CHST8: variants seen among roughly 807,000 people sequenced by gnomAD.
CHST8 encodes the protein GALNAC-4-ST1.
Under a neutral mutation model 15.0 loss-of-function variants are expected in CHST8, and 10 were observed. That is an observed-to-expected ratio of 0.67 (90% CI 0.41 to 1.13). CHST8 has a LOEUF of 1.13. Among genes scored for constraint, CHST8 ranks in the 50% most tolerant of loss-of-function variants. The probability of loss-of-function intolerance (pLI) is 0.00; values close to 1 mark genes in which losing one functional copy is unlikely to be tolerated. For synonymous variants in CHST8, 259 were observed against 256.6 expected (o/e 1.01, Z -0.09); for missense variants, 634 against 608.2 (o/e 1.04, Z -0.45).
At chr19:33,728,405 G>A (rs1244001342) in intron 3 of CHST8, among the ~76,000 whole-genome samples, 1 of 152,192 alleles carries the variant, frequency 6.6e-6, no homozygotes, top group Non-Finnish European at 1.5e-5. Flanking sequence ...GCTTGACCTA[G>A]GACTACATGT....
chr19:33,748,754 G>A lies in CHST8; in HGVS notation c.131-22659G>A, dbSNP rs1042678968. On this transcript the variant is annotated intron_variant, in intron 3 of 4. Coordinates refer to ENST00000650847, the MANE Select transcript of CHST8 (RefSeq NM_001127895.2). ...AACTGAGGCTGCAGGCAGGTAAATTGCTGCCGCTCCTGGGCCCTTAGGAGG... is the reference window on the plus strand; with the variant it reads ...AACTGAGGCTGCAGGCAGGTAAATTACTGCCGCTCCTGGGCCCTTAGGAGG... Among the ~76,000 whole-genome samples, 9 of 152,136 alleles carry A rather than the reference G, an allele frequency of 5.9e-5. 1 individual carries two copies. The highest frequency in any genetic ancestry group is 1.0e-4 in the Non-Finnish European group (7 of 68,024).
At chr19:33,661,054 G>C (rs1600243852) in intron 1 of CHST8, among the ~76,000 whole-genome samples, 1 of 152,184 alleles carries the variant, frequency 6.6e-6, no homozygotes, top group African/African-American at 2.4e-5. Flanking sequence ...TTGTCTGCGA[G>C]GCACGGGGAC....
intron 3 of CHST8, among the ~76,000 whole-genome samples, chr19:33,707,001 G>T (rs1318450666): frequency 6.6e-6 from 1 of 152,188 alleles, no homozygotes; most frequent in East Asian, 1.9e-4. Flanking sequence ...CTCCAATGGG[G>T]CCTCACAGTG....
chr19:33,765,548 T>TCA (rs1974818743), intron 3 of CHST8, among the ~76,000 whole-genome samples: 1 of 126,652 alleles, frequency 7.9e-6, no homozygotes, highest in African/African-American at 3.1e-5. Context: ...TGTGTGTGTG[T>TCA]GTGTGTCAGA....
At chr19:33,707,031 T>A (rs989010900) in intron 3 of CHST8, among the ~76,000 whole-genome samples, 1 of 152,218 alleles carries the variant, frequency 6.6e-6, no homozygotes, top group East Asian at 1.9e-4. Context: ...ATGGGGACTT[T>A]CTGGGGTCCA....
chr19:33,725,781 CCTCATCTTCTATATTCT>C (rs1422203959), intron 3 of CHST8, among the ~76,000 whole-genome samples: 1 of 152,172 alleles, frequency 6.6e-6, no homozygotes, highest in Non-Finnish European at 1.5e-5. Context: ...TTATCTCTAG[CCTCATCTTCTATATTCT>C]CTCATCTGGT....
intron 1 of CHST8, among the ~76,000 whole-genome samples, chr19:33,650,047 G>C (rs1206065189): frequency 1.3e-5 from 2 of 152,104 alleles, no homozygotes. Flanking sequence ...TTATAACTTG[G>C]TGTCTTACTG....
chr19:33,703,543 C>T (rs1403500445), intron 3 of CHST8, among the ~76,000 whole-genome samples: 2 of 152,206 alleles, frequency 1.3e-5, no homozygotes, highest in Non-Finnish European at 2.9e-5. Context: ...TCGGTAGGGG[C>T]GGGCGCGGGC....
intron 3 of CHST8, among the ~76,000 whole-genome samples, chr19:33,759,848 A>G (rs986347933): frequency 7.9e-5 from 12 of 152,152 alleles, no homozygotes; most frequent in African/African-American, 2.9e-4. Flanking sequence ...CTGGCCCCCA[A>G]GGGCCCAGCC....
chr19:33,725,643 C>T (rs1241783394), intron 3 of CHST8, among the ~76,000 whole-genome samples: 1 of 152,224 alleles, frequency 6.6e-6, no homozygotes, highest in Non-Finnish European at 1.5e-5. Flanking sequence ...CCCACCCACT[C>T]TGGCCTCCCT....
intron 1 of CHST8, among the ~76,000 whole-genome samples, chr19:33,627,102 G>C (rs1434459377): frequency 1.6e-5 from 2 of 125,686 alleles, no homozygotes; most frequent in Non-Finnish European, 3.4e-5. Flanking sequence ...TTTTTTTGGG[G>C]GGGGGGCGGG....
chr19:33,637,540 C>G (rs1267296017), intron 1 of CHST8, among the ~76,000 whole-genome samples: 1 of 151,358 alleles, frequency 6.6e-6, no homozygotes, highest in Non-Finnish European at 1.5e-5. Context: ...GCAGCTGGGA[C>G]TACAGGCGCA....
chr19:33,757,456 A>G (rs375262160), intron 3 of CHST8, among the ~76,000 whole-genome samples: 1,125 of 35,066 alleles, frequency 0.032, 93 homozygotes, highest in Non-Finnish European at 0.047. Context: ...GAAAGAAAGA[A>G]AGAAAGAAAG....
At chr19:33,750,217 G>A (rs1974387458) in intron 3 of CHST8, among the ~76,000 whole-genome samples, 1 of 152,212 alleles carries the variant, frequency 6.6e-6, no homozygotes, top group South Asian at 2.1e-4. Flanking sequence ...AGGGTCAGCA[G>A]GGTTGGGAGG....
At chr19:33,694,212 ATATATATAAT>A (rs1230434318) in intron 3 of CHST8, among the ~76,000 whole-genome samples, 16 of 82,684 alleles carry the variant, frequency 1.9e-4, no homozygotes, top group Middle Eastern at 6.8e-3. Context: ...ATATATATAT[ATATATATAAT>A]GTTACCATAC....
intron 3 of CHST8, among the ~76,000 whole-genome samples, chr19:33,758,199 A>G (rs1374110269): frequency 1.3e-5 from 2 of 150,120 alleles, no homozygotes; most frequent in Non-Finnish European, 3.0e-5. Flanking sequence ...CTGAGATGCC[A>G]GAGAGAAGAC....
intron 3 of CHST8, among the ~76,000 whole-genome samples, chr19:33,713,265 C>CAG (rs1973595426): frequency 1.3e-5 from 2 of 152,222 alleles, no homozygotes; most frequent in Admixed American, 1.3e-4. Context: ...GGAGATGCCA[C>CAG]ATCTTCCTTT....
In CHST8 at chr19:33,772,037, C is replaced by T. The variant is rs768843400; in HGVS notation, c.249C>T (p.Ala83=). Residue 83 remains alanine, a synonymous_variant, in exon 5 of 5, where the codon GCC becomes GCT. Transcript: ENST00000650847. ...ERVTRDLSSG[A]PRGRNLPAPD... ...TCACTCGGGACTTATCCAGTGGGGC[C>T]CCGAGGGGCCGCAACCTGCCAGCGC... The T allele has an allele frequency of 5.6e-6, 9 of 1,612,144 alleles. No homozygotes were observed. Among genetic ancestry groups the T allele is most frequent in the Non-Finnish European group, 7.6e-6 (9 of 1,179,664 alleles).
chr19:33,735,534 A>G (rs1003894654), intron 3 of CHST8, among the ~76,000 whole-genome samples: 3 of 152,134 alleles, frequency 2.0e-5, no homozygotes, highest in Admixed American at 2.0e-4. Flanking sequence ...GCCATACAAA[A>G]TCACATTCTT....
Sources: allele counts gnomAD v4.1 joint callset (sites outside exome capture counted in the v4.1 genomes callset), GRCh38; gene constraint gnomAD v4.1.1; transcripts MANE v1.5; gene names NCBI Gene and HGNC (gene_info 2026-07-23, HGNC 2026-07-21).